Variants in NPHP4 observed in about 807,000 individuals in gnomAD.
NPHP4 encodes nephrocystin 4.
NPHP4 carries 151 observed loss-of-function variants against 155.8 expected under a neutral mutation model. The observed-to-expected ratio is 0.97, with a 90% confidence interval of 0.85 to 1.11. The LOEUF is 1.11. NPHP4 is among the 50% of genes least tolerant of loss of function. The probability of loss-of-function intolerance (pLI) is 0.00; values close to 1 mark genes in which losing one functional copy is unlikely to be tolerated. For missense variants in NPHP4, 1,956 were observed against 1,925.7 expected, an observed-to-expected ratio of 1.02 and a Z score of -0.29; for synonymous variants, 845 against 816.8, an observed-to-expected ratio of 1.03 and a Z score of -0.59.
chr1:5,959,844 T>A (rs1490084532), intron 6 of NPHP4, among the ~76,000 whole-genome samples: 1 of 152,148 alleles, frequency 6.6e-6, no homozygotes, highest in Non-Finnish European at 1.5e-5. Flanking sequence ...CCAAGATTAG[T>A]ATCAACCGGG....
At chr1:5,869,254 T>C (rs978681855) in intron 23 of NPHP4, among the ~76,000 whole-genome samples, 11 of 136,032 alleles carry the variant, frequency 8.1e-5, no homozygotes, top group South Asian at 4.7e-4. Context: ...CACACACACA[T>C]GCACACCCAC....
In NPHP4 at chr1:5,984,394, C is replaced by T. The variant is rs1326020942; in HGVS notation, c.135+1761G>A. Among the ~76,000 whole-genome samples, 3 of 152,108 alleles carry T rather than the reference C, an allele frequency of 2.0e-5. No individual in the cohort carries two copies. In the East Asian group the frequency reaches 5.8e-4, roughly 29 times the overall value. On this transcript the variant is annotated intron_variant, in intron 2 of 29. Transcript: ENST00000378156. ...CCAAAAATACAAAAACTTAGCCGGG[C>T]ATGGTGGCGCACATCTGTGGTCCCA...
rs752748198 is a variant in NPHP4, at chr1:5,905,618, G to C, written c.1763+14C>G. The C allele has an allele frequency of 9.3e-6, 15 of 1,613,554 alleles. No homozygotes were observed. The African/African-American group carries it at 1.6e-4, about 17-fold the overall frequency. On this transcript the variant is annotated intron_variant, in intron 14 of 29. Transcript: ENST00000378156. The surrounding 1 kb of genome is among the most constrained non-coding windows in gnomAD (Gnocchi z 4.0). The stretch of plus-strand genomic sequence containing the variant: ...CACGTGACTGGTTCCATCCCACCCA[G>C]ACCCACACCTCACCTCCTGGTCTGG...
intron 16 of NPHP4, among the ~76,000 whole-genome samples, chr1:5,896,895 C>T (rs1167616360): frequency 6.6e-6 from 1 of 152,102 alleles, no homozygotes; most frequent in Non-Finnish European, 1.5e-5. Flanking sequence ...GAAGGGCTCC[C>T]GGAATAATAA....
At chr1:5,979,046 C>T (rs1177943715) in intron 2 of NPHP4, among the ~76,000 whole-genome samples, 1 of 148,426 alleles carries the variant, frequency 6.7e-6, no homozygotes, top group East Asian at 1.9e-4. Flanking sequence ...CAGGACCCTG[C>T]CCAGAGCGGC....
intron 11 of NPHP4, among the ~76,000 whole-genome samples, chr1:5,909,738 C>T (rs906195558): frequency 4.6e-5 from 7 of 152,174 alleles, no homozygotes; most frequent in African/African-American, 1.4e-4. Flanking sequence ...CACTGGGAGG[C>T]GCACCTGGGG....
At position 5,986,221 on chromosome 1, in the gene NPHP4, C is replaced by G. The variant is rs762865425; in HGVS notation, c.69G>C (p.Gln23His). ...LVPPHPQRAR[Q>H]PWKESTAFQC... Reference sequence around the variant, plus strand: ...GGAATGCCGTGGATTCCTTCCAAGGCTGGCGCGCTCTCTGTGGGTGGGGAG... The same window carrying G: ...GGAATGCCGTGGATTCCTTCCAAGGGTGGCGCGCTCTCTGTGGGTGGGGAG... The change falls in exon 2 of 30, where the codon CAG becomes CAC. Residue 23 changes from glutamine to histidine, a missense_variant. Transcript: ENST00000378156. 1 of 1,613,878 alleles carries G rather than the reference C, an allele frequency of 6.2e-7. No homozygotes were observed. The highest frequency in any genetic ancestry group is 8.5e-7 in the Non-Finnish European group (1 of 1,179,852).
At chr1:5,869,245 A>ATG (rs1641735937) in intron 23 of NPHP4, among the ~76,000 whole-genome samples, 2 of 109,698 alleles carry the variant, frequency 1.8e-5, no homozygotes, top group Admixed American at 2.0e-4. Flanking sequence ...ACACACACAC[A>ATG]CACACACATG....
At chr1:5,984,583 G>C (rs539683301) in intron 2 of NPHP4, among the ~76,000 whole-genome samples, 6 of 152,228 alleles carry the variant, frequency 3.9e-5, no homozygotes, top group African/African-American at 1.4e-4. Context: ...AGTACCATTT[G>C]CATTTTAAAA....
chr1:5,864,196 G>A, intron 28 of NPHP4, 142 bp downstream of exon 28: 1 of 1,130,702 alleles, frequency 8.8e-7, no homozygotes, highest in Non-Finnish European at 1.3e-6. Flanking sequence ...ACACAGCACA[G>A]GAGCAAACAC....
intron 23 of NPHP4, among the ~76,000 whole-genome samples, chr1:5,868,822 ACATGCACACACGCACCCACACACG>A (rs1641595989): frequency 6.9e-6 from 1 of 145,072 alleles, no homozygotes; most frequent in Non-Finnish European, 1.5e-5. Flanking sequence ...ATCCACCCAC[ACATGCACACACGCACCCACACACG>A]CATGCACACA....
intron 11 of NPHP4, among the ~76,000 whole-genome samples, chr1:5,912,001 C>T (rs1055161131): frequency 2.1e-4 from 32 of 152,154 alleles, no homozygotes; most frequent in African/African-American, 7.2e-4. Context: ...GCAACTGAAC[C>T]GGGAGCAGCA....
At chr1:5,863,650 A>G (rs951752592) in intron 29 of NPHP4, 16 of 622,470 alleles carry the variant, frequency 2.6e-5, no homozygotes, top group Non-Finnish European at 4.2e-5. Context: ...GCTGTCTAAC[A>G]TTACCATGAA....
chr1:5,941,289 C>CAAAAA (rs66676950), intron 9 of NPHP4, among the ~76,000 whole-genome samples: 1,541 of 44,060 alleles, frequency 0.035, 10 homozygotes, highest in African/African-American at 0.036. Context: ...GAGATCTAGA[C>CAAAAA]AAAAAAAAAA....
intron 9 of NPHP4, among the ~76,000 whole-genome samples, chr1:5,943,034 T>A (rs1557792705): frequency 6.6e-6 from 1 of 152,168 alleles, no homozygotes; most frequent in Non-Finnish European, 1.5e-5. Flanking sequence ...GAGCCCACAC[T>A]TGCATGCATA....
chr1:5,869,524 G>A (rs1284763629), intron 23 of NPHP4, among the ~76,000 whole-genome samples: 1 of 152,218 alleles, frequency 6.6e-6, no homozygotes, highest in African/African-American at 2.4e-5. Flanking sequence ...AAATAGAAGT[G>A]TTAATGTATT....
chr1:5,987,845 C>T (rs1655712155), intron 1 of NPHP4, among the ~76,000 whole-genome samples: 1 of 152,132 alleles, frequency 6.6e-6, no homozygotes, highest in Non-Finnish European at 1.5e-5. Flanking sequence ...TCTTCTCAAA[C>T]GTGAACAAAG....
chr1:5,865,137 C>G lies in NPHP4; in HGVS notation c.3781G>C (p.Val1261Leu). The change falls in exon 27 of 30, where the codon GTG becomes CTG. Residue 1261 changes from valine (V) to leucine (L), a missense_variant. Physicochemically the swap from Val to Leu is conservative, Grantham distance 32. Coordinates refer to ENST00000378156, the MANE Select transcript of NPHP4 (RefSeq NM_015102.5). ...TGGGGATGAGAGGTGAAAGCTCTCA[C>G]TTTCCTCACTGTCTGTGTCCCCCGA... is the stretch of plus-strand genomic sequence containing the variant. ...VLRGTQTVRK[V>L]RAFTSHPQEL... 6.2e-7 allele frequency: 1 copy of G among 1,613,740 alleles called. No homozygotes were observed. Among genetic ancestry groups the G allele is most frequent in the Non-Finnish European group, 8.5e-7 (1 of 1,179,836 alleles).
intron 19 of NPHP4, among the ~76,000 whole-genome samples, chr1:5,878,932 C>T (rs1162367338): frequency 1.3e-5 from 2 of 152,232 alleles, no homozygotes; most frequent in Non-Finnish European, 2.9e-5. Context: ...GCCAAGTTCA[C>T]CCCTTAGCCA....
Sources: allele counts gnomAD v4.1 joint callset (sites outside exome capture counted in the v4.1 genomes callset), GRCh38; gene constraint gnomAD v4.1.1; non-coding constraint Gnocchi (gnomAD v3.1); transcripts MANE v1.5; gene names NCBI Gene and HGNC (gene_info 2026-07-23, HGNC 2026-07-21).